Variants in HMBOX1 observed in about 807,000 individuals in gnomAD.
HMBOX1 encodes homeobox-containing protein 1.
In HMBOX1, 14 loss-of-function variants were observed where a neutral mutation model predicts 54.5. The observed-to-expected ratio is 0.26, with a 90% CI of 0.17 to 0.40. The LOEUF (loss-of-function observed/expected upper bound fraction) is 0.40. Ranked by LOEUF, HMBOX1 falls within the 10% of genes least tolerant of loss-of-function variation. The probability of loss-of-function intolerance (pLI) is 1.00; values close to 1 mark genes in which losing one functional copy is unlikely to be tolerated. For synonymous variants in HMBOX1, 160 were observed against 181.0 expected (o/e 0.88, Z 0.93); for missense variants, 332 against 514.4 (o/e 0.65, Z 3.43).
chr8:28,961,511 A>T (rs185727684), intron 1 of HMBOX1, among the ~76,000 whole-genome samples: 111 of 152,256 alleles, frequency 7.3e-4, no homozygotes, highest in South Asian at 5.6e-3. Context: ...TTCAAGTTTC[A>T]TTCATGTTTT....
chr8:29,014,096 C>T (rs1170843235), intron 5 of HMBOX1, among the ~76,000 whole-genome samples: 4 of 151,908 alleles, frequency 2.6e-5, no homozygotes, highest in Non-Finnish European at 4.4e-5. Context: ...TCCCCTCACC[C>T]AGAGCTAACC....
chr8:28,907,350 T>C (rs1814535164), intron 1 of HMBOX1, among the ~76,000 whole-genome samples: 1 of 152,232 alleles, frequency 6.6e-6, no homozygotes, highest in Admixed American at 6.5e-5. Flanking sequence ...ACTTATCTCC[T>C]AGTTTTACAT....
chr8:28,895,958 T>C (rs1432263380), intron 1 of HMBOX1, among the ~76,000 whole-genome samples: 2 of 152,208 alleles, frequency 1.3e-5, no homozygotes, highest in Non-Finnish European at 2.9e-5. Flanking sequence ...CAAAATAAAA[T>C]GTGAATTTGA....
At chr8:28,976,827 C>T (rs1286716549) in intron 3 of HMBOX1, among the ~76,000 whole-genome samples, 1 of 151,638 alleles carries the variant, frequency 6.6e-6, no homozygotes, top group Non-Finnish European at 1.5e-5. Flanking sequence ...CTGCCTCAGC[C>T]TCCTGAGTAG....
chr8:28,891,247 C>T (rs1460106122), intron 1 of HMBOX1: 1 of 152,304 alleles, frequency 6.6e-6, no homozygotes, highest in African/African-American at 2.4e-5. Flanking sequence ...TGTCCCGTCG[C>T]CCGCTCACAC....
rs764276477 is a variant in HMBOX1, at chr8:28,980,118, A to G, written c.548A>G (p.Asn183Ser). The change falls in exon 4 of 10, where the codon AAT becomes AGT. Residue 183 changes from asparagine to serine, a missense_variant. Transcript: ENST00000287701. ...GAGGAAATCAAAGCCTTTCTTGCCA[A>G]TCGGAGGATTTCCCAAGCAGTTGTT... is the stretch of plus-strand genomic sequence containing the variant. ...IKEEIKAFLA[N>S]RRISQAVVAQ... 24 of 1,613,968 alleles carry G rather than the reference A, an allele frequency of 1.5e-5. No homozygotes were observed. Among genetic ancestry groups the G allele is most frequent in the Middle Eastern group, 1.7e-4 (1 of 6,060 alleles).
chr8:28,901,438 A>G (rs959702839), intron 1 of HMBOX1, among the ~76,000 whole-genome samples: 3 of 151,866 alleles, frequency 2.0e-5, no homozygotes, highest in Non-Finnish European at 2.9e-5. Context: ...TTCTTTTTGT[A>G]CTTTTCTCCC....
At chr8:28,903,046 T>C (rs1749475275) in intron 1 of HMBOX1, among the ~76,000 whole-genome samples, 1 of 152,190 alleles carries the variant, frequency 6.6e-6, no homozygotes, top group South Asian at 2.1e-4. Context: ...ACTTTCTTAA[T>C]GTAAACAAAT....
At chr8:28,996,560 G>A (rs2132667467) in intron 4 of HMBOX1, among the ~76,000 whole-genome samples, 1 of 152,224 alleles carries the variant, frequency 6.6e-6, no homozygotes, top group East Asian at 1.9e-4. Context: ...TGGAGGCTGG[G>A]TTGTCTTTTC....
At chr8:28,905,461 G>C (rs1393894593) in intron 1 of HMBOX1, among the ~76,000 whole-genome samples, 1 of 152,206 alleles carries the variant, frequency 6.6e-6, no homozygotes, top group African/African-American at 2.4e-5. Context: ...CCCCAAGTTG[G>C]TAGGATTTGT....
intron 1 of HMBOX1, among the ~76,000 whole-genome samples, chr8:28,902,010 T>G (rs778154318): frequency 1.3e-5 from 2 of 152,240 alleles, no homozygotes; most frequent in Non-Finnish European, 2.9e-5. Context: ...ACTCGACATA[T>G]AAGCTGCATT....
intron 4 of HMBOX1, among the ~76,000 whole-genome samples, chr8:28,986,700 A>G (rs930345758): frequency 4.6e-5 from 7 of 152,286 alleles, no homozygotes; most frequent in Admixed American, 1.3e-4. Flanking sequence ...CGCAGAGTGC[A>G]TTTTGGGATT....
At chr8:28,911,284 A>G (rs907487502) in intron 1 of HMBOX1, among the ~76,000 whole-genome samples, 6 of 152,242 alleles carry the variant, frequency 3.9e-5, no homozygotes, top group African/African-American at 1.4e-4. Context: ...GAAACCAGTC[A>G]GAGCCACACC....
intron 4 of HMBOX1, among the ~76,000 whole-genome samples, chr8:28,981,420 G>A (rs1375353192): frequency 1.3e-5 from 2 of 152,184 alleles, no homozygotes; most frequent in Non-Finnish European, 2.9e-5. Context: ...CAAGGACCAA[G>A]TTATGGTTCT....
chr8:28,991,116 T>C (rs1049203329), intron 4 of HMBOX1, among the ~76,000 whole-genome samples: 1 of 152,238 alleles, frequency 6.6e-6, no homozygotes, highest in Non-Finnish European at 1.5e-5. Flanking sequence ...GCCTTTTTTT[T>C]ATTATAGTGA....
At chr8:28,900,268 A>AT (rs1179505146) in intron 1 of HMBOX1, among the ~76,000 whole-genome samples, 916 of 77,794 alleles carry the variant, frequency 0.012, 2 homozygotes, top group East Asian at 0.032. Context: ...AAAAAAAAAA[A>AT]AAAATATATA....
At chr8:29,008,263 A>G (rs542727289) in intron 4 of HMBOX1, among the ~76,000 whole-genome samples, 14 of 152,368 alleles carry the variant, frequency 9.2e-5, no homozygotes, top group Non-Finnish European at 1.8e-4. Flanking sequence ...ATGAATGGCC[A>G]GAATGAGCAT....
chr8:28,915,556 CA>C (rs565018135), intron 1 of HMBOX1: 78 of 119,440 alleles, frequency 6.5e-4, no homozygotes, highest in African/African-American at 1.1e-3. Flanking sequence ...GACTCTGTCT[CA>C]AAAAAAAAAA....
chr8:28,922,592 A>C (rs1174764247), intron 1 of HMBOX1, among the ~76,000 whole-genome samples: 1 of 152,196 alleles, frequency 6.6e-6, no homozygotes, highest in African/African-American at 2.4e-5. Context: ...AAAAATTATG[A>C]ATTCTTACAG....
Sources: gnomAD v4.1 joint callset for allele counts (sites outside exome capture counted in the v4.1 genomes callset) on GRCh38, gnomAD v4.1.1 for gene constraint, MANE v1.5 for transcripts, NCBI Gene and HGNC (gene_info 2026-07-23, HGNC 2026-07-21) for gene names.